Variants in NXPE2 observed in about 807,000 individuals in gnomAD.
The protein encoded by NXPE2 is neurexophilin and PC-esterase domain family member 2, also known as NXPE family member 2.
Under a neutral mutation model 34.4 loss-of-function variants are expected in NXPE2, and 34 were observed. The ratio of observed to expected loss-of-function variants is 0.99; its 90% CI spans 0.75 to 1.31. NXPE2 has a LOEUF of 1.31. NXPE2 is among the 40% of genes most tolerant of loss of function. The pLI is 0.00. For synonymous variants in NXPE2, 235 were observed against 231.3 expected, an observed-to-expected ratio of 1.02 and a Z score of -0.15; for missense variants, 649 against 672.5, an observed-to-expected ratio of 0.97 and a Z score of 0.39.
At chr11:114,765,936 A>C in the NXPE2 span, among the ~76,000 whole-genome samples, 1 of 152,028 alleles carries the variant, frequency 6.6e-6, no homozygotes, top group South Asian at 2.1e-4. Context: ...CACCATCACC[A>C]CTGCTTATAT....
At chr11:114,581,800 A>T in the NXPE2 span, 1 of 1,584,198 alleles carries the variant, frequency 6.3e-7, no homozygotes, top group Non-Finnish European at 8.6e-7. Flanking sequence ...AAAGACACAA[A>T]TACAGAAATT....
At chr11:114,797,746 G>A in the NXPE2 span, among the ~76,000 whole-genome samples, 5 of 152,236 alleles carry the variant, frequency 3.3e-5, no homozygotes, top group East Asian at 7.7e-4. Context: ...TTTCATTCCA[G>A]CAACTTTATT....
the NXPE2 span, among the ~76,000 whole-genome samples, chr11:114,495,183 G>A: frequency 6.6e-6 from 1 of 152,126 alleles, no homozygotes; most frequent in East Asian, 1.9e-4. Context: ...ACAGCACTGG[G>A]TCTCACCCAA....
At chr11:114,528,975 C>A in the NXPE2 span, 1 of 438,510 alleles carries the variant, frequency 2.3e-6, no homozygotes, top group Non-Finnish European at 4.1e-6. Context: ...TTTTACTTTT[C>A]AGAAGGGAGC....
At chr11:114,637,702 G>T in the NXPE2 span, among the ~76,000 whole-genome samples, 1,969 of 150,872 alleles carry the variant, frequency 0.013, 26 homozygotes, top group Non-Finnish European at 0.02. Flanking sequence ...GTAAAGTATT[G>T]TATTTCTCCT....
chr11:114,503,326 A>G, the NXPE2 span, among the ~76,000 whole-genome samples: 1 of 152,226 alleles, frequency 6.6e-6, no homozygotes, highest in Non-Finnish European at 1.5e-5. Flanking sequence ...TCCTGTGTGA[A>G]AGAGAAACCG....
the NXPE2 span, among the ~76,000 whole-genome samples, chr11:114,648,831 A>C: frequency 6.6e-6 from 1 of 152,218 alleles, no homozygotes; most frequent in African/African-American, 2.4e-5. Flanking sequence ...TAAATACTTG[A>C]TATCTTATAA....
the NXPE2 span, among the ~76,000 whole-genome samples, chr11:114,619,902 G>A: frequency 6.6e-6 from 1 of 151,970 alleles, no homozygotes; most frequent in African/African-American, 2.4e-5. Context: ...TTATCCTGTG[G>A]AAAATAAGTG....
chr11:114,640,301 T>G, the NXPE2 span, among the ~76,000 whole-genome samples: 1 of 145,960 alleles, frequency 6.9e-6, no homozygotes, highest in African/African-American at 2.5e-5. Context: ...CATTTTAAAT[T>G]TTTATATATT....
At chr11:114,757,886 G>A in the NXPE2 span, among the ~76,000 whole-genome samples, 1 of 152,136 alleles carries the variant, frequency 6.6e-6, no homozygotes, top group Non-Finnish European at 1.5e-5. Flanking sequence ...GAGTTCTCAG[G>A]CCATTTTTAA....
chr11:114,596,173 A>G, the NXPE2 span, among the ~76,000 whole-genome samples: 3 of 152,216 alleles, frequency 2.0e-5, no homozygotes, highest in Non-Finnish European at 2.9e-5. Context: ...AGGTTTCAAT[A>G]CAATTTGCTG....
the NXPE2 span, chr11:114,551,124 T>A: frequency 1.2e-5 from 19 of 1,528,228 alleles, no homozygotes; most frequent in African/African-American, 1.8e-4. Flanking sequence ...TCTGAGAAAT[T>A]ATAAAAATCA....
At chr11:114,467,132 C>T in the NXPE2 span, among the ~76,000 whole-genome samples, 5 of 152,154 alleles carry the variant, frequency 3.3e-5, no homozygotes, top group Non-Finnish European at 5.9e-5. Flanking sequence ...CTTTATCAGG[C>T]AATCCAAAGG....
chr11:114,482,086 C>T, the NXPE2 span, among the ~76,000 whole-genome samples: 6 of 152,220 alleles, frequency 3.9e-5, no homozygotes, highest in African/African-American at 1.4e-4. Context: ...TGCTCCTGGG[C>T]AAGTGGTGGC....
chr11:114,706,126 C>A (rs1256039243), intron 5 of NXPE2, 130 bp downstream of exon 5: 5 of 371,824 alleles, frequency 1.3e-5, no homozygotes, highest in Non-Finnish European at 2.1e-5. Context: ...TTTAAATTTG[C>A]CTAACTTTTG....
At chr11:114,613,904 G>C in the NXPE2 span, among the ~76,000 whole-genome samples, 1 of 152,038 alleles carries the variant, frequency 6.6e-6, no homozygotes, top group African/African-American at 2.4e-5. Flanking sequence ...TGCCTCGTGG[G>C]TAACCACTGT....
At chr11:114,716,276 C>G in the NXPE2 span, among the ~76,000 whole-genome samples, 1 of 152,180 alleles carries the variant, frequency 6.6e-6, no homozygotes, top group Non-Finnish European at 1.5e-5. Flanking sequence ...CAGCTTGTTT[C>G]TCCCTTCACC....
the NXPE2 span, among the ~76,000 whole-genome samples, chr11:114,602,276 CTATATAT>C: frequency 7.0e-5 from 8 of 113,780 alleles, no homozygotes; most frequent in South Asian, 2.1e-3. Context: ...ATATATTATA[CTATATAT>C]ATGTTATCTA....
At chr11:114,549,368 G>A in the NXPE2 span, among the ~76,000 whole-genome samples, 1 of 151,964 alleles carries the variant, frequency 6.6e-6, no homozygotes, top group Non-Finnish European at 1.5e-5. Flanking sequence ...ATATTGGCAA[G>A]CAATCCAAAT....
Sources: allele counts gnomAD v4.1 joint callset (sites outside exome capture counted in the v4.1 genomes callset), GRCh38; gene constraint gnomAD v4.1.1; transcripts MANE v1.5; gene names NCBI Gene and HGNC (gene_info 2026-07-23, HGNC 2026-07-21).